Variants in DCHS2 observed in about 807,000 individuals in gnomAD.
The protein encoded by DCHS2 is protocadherin-23.
DCHS2 carries 142 observed loss-of-function variants against 182.4 expected under a neutral mutation model. The observed-to-expected ratio is 0.78, with a 90% CI of 0.68 to 0.89. DCHS2 has a LOEUF of 0.89. Ranked by LOEUF, DCHS2 falls within the 40% of genes least tolerant of loss-of-function variation. The probability of loss-of-function intolerance (pLI) is 0.00; values close to 1 mark genes in which losing one functional copy is unlikely to be tolerated. For missense variants in DCHS2, 4,319 were observed against 4,198.6 expected (o/e 1.03, Z -0.79); for synonymous variants, 1,740 against 1,663.3 (o/e 1.05, Z -1.12).
intron 13 of DCHS2, among the ~76,000 whole-genome samples, chr4:154,290,423 A>G (rs1459431549): frequency 6.6e-6 from 1 of 152,142 alleles, no homozygotes; most frequent in Non-Finnish European, 1.5e-5. Flanking sequence ...GACGTTCTTC[A>G]TAGAAATAGA....
intron 3 of DCHS2, among the ~76,000 whole-genome samples, chr4:154,358,714 T>C (rs1414688592): frequency 6.6e-6 from 1 of 152,076 alleles, no homozygotes; most frequent in East Asian, 1.9e-4. Context: ...TTTTAAACAT[T>C]TATATATAAA....
chr4:154,291,867 T>C (rs1045711640), intron 13 of DCHS2, among the ~76,000 whole-genome samples: 3 of 152,168 alleles, frequency 2.0e-5, no homozygotes, highest in African/African-American at 7.2e-5. Flanking sequence ...TCAGATAGAA[T>C]GAATAAGGTC....
rs184849586 is a variant in DCHS2, at chr4:154,304,538, C to A, written c.5605+131G>T. ...TACTTACCAATTTGGGAGGCTGAGGCACAAGAATTGCTTGAACCTGGGAGG... is the reference window on the plus strand; with the variant it reads ...TACTTACCAATTTGGGAGGCTGAGGAACAAGAATTGCTTGAACCTGGGAGG... On this transcript the variant is annotated intron_variant, in intron 12 of 19. Coordinates refer to ENST00000357232, the MANE Select transcript of DCHS2 (RefSeq NM_001358235.2). 5 of 711,544 alleles carry A rather than the reference C, an allele frequency of 7.0e-6. No homozygotes were observed. The African/African-American group carries it at 9.0e-5, about 13-fold the overall frequency. 44.1% of individuals were successfully genotyped at this position (711,544 alleles called of 1,614,324 possible). A position where few individuals can be genotyped will look rare whatever the true frequency, so the allele number is the denominator to read the frequency against.
chr4:154,437,410 G>C (rs1733824671), intron 1 of DCHS2, among the ~76,000 whole-genome samples: 1 of 152,140 alleles, frequency 6.6e-6, no homozygotes, highest in South Asian at 2.1e-4. Context: ...ACTACTGAAA[G>C]CCTAAAACAA....
intron 8 of DCHS2, 126 bp downstream of exon 8, chr4:154,322,205 T>C (rs1396952699): frequency 2.3e-6 from 3 of 1,314,534 alleles, no homozygotes; most frequent in Non-Finnish European, 3.1e-6. Flanking sequence ...CTCAAAATAG[T>C]ATTCATGTAA....
intron 3 of DCHS2, among the ~76,000 whole-genome samples, chr4:154,337,824 T>A (rs1728884899): frequency 6.6e-6 from 1 of 152,058 alleles, no homozygotes; most frequent in Admixed American, 6.6e-5. Flanking sequence ...CACTGTGACC[T>A]CCGCCTCCTG....
At chr4:154,321,259 T>C (rs1561039971) in intron 8 of DCHS2, 37 bp from the exon 9 acceptor site, 1 of 1,443,012 alleles carries the variant, frequency 6.9e-7, no homozygotes, top group Non-Finnish European at 9.1e-7. Flanking sequence ...ATTTGGGGTA[T>C]TTTTAAAACA....
chr4:154,439,074 T>C (rs1470582907), intron 1 of DCHS2, among the ~76,000 whole-genome samples: 1 of 152,230 alleles, frequency 6.6e-6, no homozygotes, highest in Non-Finnish European at 1.5e-5. Flanking sequence ...TGCATAGATA[T>C]GGCTATACCT....
intron 7 of DCHS2, among the ~76,000 whole-genome samples, chr4:154,326,652 T>C (rs1736295526): frequency 6.6e-6 from 1 of 152,176 alleles, no homozygotes; most frequent in Admixed American, 6.5e-5. Context: ...GCATCACGTA[T>C]TGATAGTCCA....
chr4:154,435,218 A>G (rs1228138599), intron 1 of DCHS2, among the ~76,000 whole-genome samples: 1 of 152,260 alleles, frequency 6.6e-6, no homozygotes, highest in Non-Finnish European at 1.5e-5. Context: ...AAAACTTATT[A>G]GAAGCAAAAA....
rs184467916 is a variant in DCHS2, at chr4:154,294,720, G to A, written c.6463+3131C>T. On this transcript the variant is annotated intron_variant, in intron 13 of 19. Transcript: ENST00000357232. ...AAAATCATAAGTGGCTTCCAGGGCC[G>A]AGCCTTGACAGAGGTGTTAAAACAC... is the stretch of plus-strand genomic sequence containing the variant. Among the ~76,000 whole-genome samples, 9 of 152,252 alleles carry A rather than the reference G, an allele frequency of 5.9e-5. No individual in the cohort carries two copies. In the South Asian group the frequency reaches 6.2e-4, roughly 11 times the overall value.
Position 154,320,862 on chromosome 4 carries a change from C to T in DCHS2, c.4537G>A (p.Glu1513Lys). 1.2e-6 allele frequency: 2 copies of T among 1,614,076 alleles called. No homozygotes were observed. The highest frequency in any genetic ancestry group is 1.1e-5 in the South Asian group (1 of 91,074). Residue 1513 changes from glutamate to lysine, a missense_variant, in exon 9 of 20, where the codon GAG (glutamate) becomes AAG (lysine). Coordinates refer to ENST00000357232, the MANE Select transcript of DCHS2 (RefSeq NM_001358235.2). ...TCCTCTACACTGATCACAATGAGCTCATCCTGGAAAGATGGGGAATGGTCA... is the reference window on the plus strand; with the variant it reads ...TCCTCTACACTGATCACAATGAGCTTATCCTGGAAAGATGGGGAATGGTCA... ...QNDHSPSFQD[E>K]LIVISVEENV...
chr4:154,385,242 AG>A (rs1331078991), intron 1 of DCHS2, among the ~76,000 whole-genome samples: 1 of 152,092 alleles, frequency 6.6e-6, no homozygotes, highest in Non-Finnish European at 1.5e-5. Context: ...GTCCTTACAA[AG>A]GACATGAACT....
intron 1 of DCHS2, among the ~76,000 whole-genome samples, chr4:154,399,213 C>G (rs1001559968): frequency 1.3e-5 from 2 of 152,176 alleles, no homozygotes; most frequent in African/African-American, 4.8e-5. Context: ...AATATGGTAT[C>G]ATTCCCAGAA....
intron 1 of DCHS2, among the ~76,000 whole-genome samples, chr4:154,380,144 C>T (rs1175839159): frequency 6.6e-6 from 1 of 152,188 alleles, no homozygotes; most frequent in Admixed American, 6.5e-5. Flanking sequence ...GATGAAACTC[C>T]TACCAATTGG....
intron 1 of DCHS2, among the ~76,000 whole-genome samples, chr4:154,401,207 C>T (rs1164708470): frequency 6.6e-6 from 1 of 152,168 alleles, no homozygotes; most frequent in Non-Finnish European, 1.5e-5. Flanking sequence ...TTTTGAGATT[C>T]ATCCCTATTG....
chr4:154,249,819 C>T (rs1230381310), intron 16 of DCHS2, among the ~76,000 whole-genome samples: 2 of 151,054 alleles, frequency 1.3e-5, no homozygotes, highest in African/African-American at 4.9e-5. Flanking sequence ...CTCATGTTCT[C>T]ACTTACAAAT....
chr4:154,310,458 C>A (rs1735627443), intron 10 of DCHS2, among the ~76,000 whole-genome samples: 1 of 152,096 alleles, frequency 6.6e-6, no homozygotes, highest in Non-Finnish European at 1.5e-5. Flanking sequence ...ATAAATAATC[C>A]AAAGCTTAAG....
intron 13 of DCHS2, among the ~76,000 whole-genome samples, chr4:154,273,561 T>C (rs1733695762): frequency 6.6e-6 from 1 of 152,000 alleles, no homozygotes; most frequent in African/African-American, 2.4e-5. Context: ...AAATAAGTTA[T>C]TCATGTAACC....
Sources: gnomAD v4.1 joint callset for allele counts (sites outside exome capture counted in the v4.1 genomes callset) on GRCh38, gnomAD v4.1.1 for gene constraint, MANE v1.5 for transcripts, NCBI Gene and HGNC (gene_info 2026-07-23, HGNC 2026-07-21) for gene names.